Variants in GPR158 observed in about 807,000 individuals in gnomAD.
The protein encoded by GPR158 is metabotropic glycine receptor.
A neutral mutation model predicts 78.2 loss-of-function variants in GPR158; 30 were observed. The ratio of observed to expected loss-of-function variants is 0.38; its 90% confidence interval spans 0.29 to 0.52. The LOEUF is 0.52. GPR158 is among the 20% of genes least tolerant of loss of function. GPR158 has a pLI of 0.83. For missense variants in GPR158, 1,463 were observed against 1,523.5 expected (o/e 0.96, Z 0.66); for synonymous variants, 581 against 591.1 (o/e 0.98, Z 0.25).
chr10:25,176,130 G>A lies in GPR158; in HGVS notation c.710G>A (p.Arg237His), dbSNP rs755721430. The A allele has an allele frequency of 1.9e-6, 3 of 1,572,686 alleles. No homozygotes were observed. In the South Asian group the frequency reaches 3.5e-5, roughly 18 times the overall value. The change falls in exon 1 of 11, where the codon CGC (arginine) becomes CAC (histidine). Residue 237 changes from arginine (R) to histidine (H), a missense_variant. Physicochemically the swap from Arg to His is conservative, Grantham distance 29 (BLOSUM62 0). Transcript: ENST00000376351. This position sits in a 1 kb window ranked among gnomAD's most constrained non-coding sequence, Gnocchi z 6.3. ...RRKWRPHLHR[R>H]GPNQGPRGLG... ...AAGTGGAGGCCCCACTTACACCGCC[G>A]CGGCCCCAATCAGGGGCCCCGGGGC...
chr10:25,403,058 T>G (rs1834467793), intron 3 of GPR158, among the ~76,000 whole-genome samples: 1 of 151,870 alleles, frequency 6.6e-6, no homozygotes, highest in South Asian at 2.1e-4. Flanking sequence ...ATATATCATC[T>G]TTCTAAAAAT....
chr10:25,264,072 G>A (rs1854007441), intron 2 of GPR158, among the ~76,000 whole-genome samples: 1 of 152,128 alleles, frequency 6.6e-6, no homozygotes, highest in Admixed American at 6.6e-5. Context: ...GCATTTTTGA[G>A]TATGGCTCTC....
At chr10:25,188,762 C>T (rs1302721825) in intron 1 of GPR158, among the ~76,000 whole-genome samples, 2 of 152,174 alleles carry the variant, frequency 1.3e-5, no homozygotes, top group Admixed American at 6.5e-5. Context: ...GCAATGGCAA[C>T]AGAAGCCAAA....
intron 3 of GPR158, among the ~76,000 whole-genome samples, chr10:25,410,795 G>A (rs1395751488): frequency 6.6e-6 from 1 of 152,124 alleles, no homozygotes; most frequent in African/African-American, 2.4e-5. Context: ...GTAACAGAAT[G>A]ATGACTCTTA....
intron 2 of GPR158, among the ~76,000 whole-genome samples, chr10:25,322,847 T>TG (rs1854971367): frequency 2.0e-5 from 3 of 152,114 alleles, no homozygotes; most frequent in African/African-American, 7.2e-5. Context: ...CAAGTCTTTT[T>TG]TTTTGTTTGT....
chr10:25,427,008 A>T (rs1328614697), intron 4 of GPR158, among the ~76,000 whole-genome samples: 1 of 151,822 alleles, frequency 6.6e-6, no homozygotes, highest in Non-Finnish European at 1.5e-5. Flanking sequence ...TTTGCTATAC[A>T]TCTCTTTGAG....
chr10:25,485,620 C>T (rs1028974174), intron 5 of GPR158, among the ~76,000 whole-genome samples: 1 of 152,038 alleles, frequency 6.6e-6, no homozygotes, highest in Admixed American at 6.6e-5. Context: ...CTTCATGTTA[C>T]AGTTGCTGAA....
Position 25,446,026 on chromosome 10 carries a change from G to A in GPR158, c.1336-20625G>A, listed in dbSNP as rs565031004. ...ATGAGGGAGTGGTAACTGATGTTACGGGAATGGAAGAGGTACCTCAGAGGA... is the reference window on the plus strand; with the variant it reads ...ATGAGGGAGTGGTAACTGATGTTACAGGAATGGAAGAGGTACCTCAGAGGA... On this transcript the variant is annotated intron_variant, in intron 4 of 10. Coordinates refer to ENST00000376351, the MANE Select transcript of GPR158 (RefSeq NM_020752.3). Among the ~76,000 whole-genome samples, 23 of 152,220 alleles carry A rather than the reference G, an allele frequency of 1.5e-4. No homozygotes were observed. In the South Asian group the frequency reaches 3.7e-3, roughly 25 times the overall value.
intron 2 of GPR158, among the ~76,000 whole-genome samples, chr10:25,304,428 G>T (rs529724802): frequency 1.3e-5 from 2 of 152,038 alleles, no homozygotes; most frequent in African/African-American, 4.8e-5. Context: ...GGCTCCAGAA[G>T]AAGAGAGCCC....
chr10:25,194,963 T>A (rs1852824545), intron 1 of GPR158, among the ~76,000 whole-genome samples: 1 of 152,204 alleles, frequency 6.6e-6, no homozygotes, highest in East Asian at 1.9e-4. Context: ...TTCTCTGCTT[T>A]GTCCATTAAT....
In GPR158 at chr10:25,187,321, C is replaced by CA. The variant is rs1274860986; in HGVS notation, c.902+11000dup. On this transcript the variant is annotated intron_variant, in intron 1 of 10. Transcript: ENST00000376351. Reference sequence around the variant, plus strand: ...TCCTGATACCAAAGCCTGGCAGAGACACAATAAAAAAAGAGAATTTTAGGC... The same window carrying CA: ...TCCTGATACCAAAGCCTGGCAGAGACAACAATAAAAAAAGAGAATTTTAGGC... 2.0e-5 allele frequency among the ~76,000 whole-genome samples: 3 copies of CA among 151,982 alleles called. No homozygotes were observed. In the East Asian group the frequency reaches 5.8e-4, roughly 29 times the overall value.
At chr10:25,252,730 G>C (rs1469081645) in intron 2 of GPR158, among the ~76,000 whole-genome samples, 9 of 152,268 alleles carry the variant, frequency 5.9e-5, no homozygotes, top group African/African-American at 1.7e-4. Context: ...TGTCAGACAG[G>C]GACATTTAAG....
Position 25,412,453 on chromosome 10 carries a change from T to C in GPR158, c.1315T>C (p.Tyr439His), listed in dbSNP as rs757857735. 1 of 1,613,590 alleles carries C rather than the reference T, an allele frequency of 6.2e-7. No homozygotes were observed. The highest frequency in any genetic ancestry group is 8.5e-7 in the Non-Finnish European group (1 of 1,179,534). Residue 439 changes from tyrosine (Y) to histidine (H), a missense_variant, in exon 4 of 11, where the codon TAC (tyrosine) becomes CAC (histidine). By Grantham distance (83) the Tyr-to-His change is moderately conservative. Transcript: ENST00000376351. ...LLDFVSMLVV[Y>H]HFRKAKSIRA... is the part of the protein sequence containing the mutation. ...CGACTTCGTTAGCATGCTGGTGGTCTACCACTTTCGCAAAGCAAAGGTAAA... is the reference window on the plus strand; with the variant it reads ...CGACTTCGTTAGCATGCTGGTGGTCCACCACTTTCGCAAAGCAAAGGTAAA...
intron 2 of GPR158, among the ~76,000 whole-genome samples, chr10:25,390,369 T>C (rs1019703723): frequency 6.6e-6 from 1 of 152,242 alleles, no homozygotes; most frequent in Admixed American, 6.5e-5. Context: ...TGAATGGTTT[T>C]GACCAAAATG....
At chr10:25,377,773 C>T (rs139698613) in intron 2 of GPR158, among the ~76,000 whole-genome samples, 23 of 152,060 alleles carry the variant, frequency 1.5e-4, no homozygotes, top group African/African-American at 5.1e-4. Context: ...TTTATCCATT[C>T]GTCAGCTGAT....
chr10:25,392,617 C>T (rs573756543), intron 2 of GPR158, among the ~76,000 whole-genome samples: 1 of 152,192 alleles, frequency 6.6e-6, no homozygotes, highest in Non-Finnish European at 1.5e-5. Context: ...AGCAGCCCCT[C>T]AGCCTAAACC....
chr10:25,270,104 C>T (rs934500700), intron 2 of GPR158, among the ~76,000 whole-genome samples: 1 of 152,146 alleles, frequency 6.6e-6, no homozygotes, highest in Non-Finnish European at 1.5e-5. Flanking sequence ...ACCTTGAGGA[C>T]ACACAGAATC....
intron 5 of GPR158, among the ~76,000 whole-genome samples, chr10:25,474,875 T>C (rs1835560949): frequency 6.6e-6 from 1 of 152,172 alleles, no homozygotes. Flanking sequence ...AGGGCCCTTA[T>C]TTATATTTAT....
intron 4 of GPR158, among the ~76,000 whole-genome samples, chr10:25,434,846 T>A (rs34833719): frequency 0.057 from 8,685 of 152,208 alleles, 508 homozygotes; most frequent in African/African-American, 0.16. Flanking sequence ...AGGGTTGTGG[T>A]GAAGCTTAAA....
Sources: gnomAD v4.1 joint callset for allele counts (sites outside exome capture counted in the v4.1 genomes callset) on GRCh38, gnomAD v4.1.1 for gene constraint, Gnocchi (gnomAD v3.1) non-coding constraint, MANE v1.5 for transcripts, NCBI Gene and HGNC (gene_info 2026-07-23, HGNC 2026-07-21) for gene names.